TRHDE: variants seen among roughly 807,000 people sequenced by gnomAD.
TRHDE encodes the protein thyrotropin-releasing hormone-degrading ectoenzyme.
In TRHDE, 72 loss-of-function variants were observed where a neutral mutation model predicts 125.7. The observed-to-expected ratio is 0.57, with a 90% CI of 0.47 to 0.70. The LOEUF is 0.70. TRHDE is among the 30% of genes least tolerant of loss of function. The pLI, the probability that TRHDE is intolerant of heterozygous loss-of-function variation, is 0.00. For synonymous variants in TRHDE, 509 were observed against 509.1 expected (o/e 1.00, Z 0.00); for missense variants, 1,110 against 1,327.1 (o/e 0.84, Z 2.54).
intron 12 of TRHDE, chr12:72,582,541 T>G (rs911566522): frequency 1.0e-6 from 1 of 985,316 alleles, no homozygotes; most frequent in Non-Finnish European, 1.2e-6. Context: ...GTTGATCATT[T>G]TTTCACTTAT....
chr12:72,623,232 A>G (rs544943587), intron 15 of TRHDE, among the ~76,000 whole-genome samples: 22 of 152,134 alleles, frequency 1.4e-4, no homozygotes, highest in African/African-American at 4.6e-4. Flanking sequence ...GAGAAAGTAT[A>G]GTGTCTTCTC....
chr12:72,115,267 A>G (rs1048521729), intron 2 of TRHDE, among the ~76,000 whole-genome samples: 2 of 118,722 alleles, frequency 1.7e-5, no homozygotes, highest in Non-Finnish European at 3.2e-5. Flanking sequence ...CATGAGTTCA[A>G]TTGTTTTAAT....
intron 7 of TRHDE, among the ~76,000 whole-genome samples, chr12:72,543,812 T>TGGAAAGG (rs1869276258): frequency 6.8e-6 from 1 of 147,566 alleles, no homozygotes; most frequent in Non-Finnish European, 1.5e-5. Context: ...TTATTATTAT[T>TGGAAAGG]ATTATTATTA....
At chr12:72,572,106 A>G (rs1870771556) in intron 10 of TRHDE, among the ~76,000 whole-genome samples, 1 of 151,814 alleles carries the variant, frequency 6.6e-6, no homozygotes, top group Non-Finnish European at 1.5e-5. Context: ...TATAGGTTTT[A>G]CAAAATATCC....
chr12:72,330,000 G>A (rs1869513030), intron 2 of TRHDE, among the ~76,000 whole-genome samples: 1 of 152,160 alleles, frequency 6.6e-6, no homozygotes, highest in Non-Finnish European at 1.5e-5. Flanking sequence ...CAGTGCAGTG[G>A]AATGAAAATG....
At chr12:72,480,147 G>T (rs149673591) in intron 5 of TRHDE, among the ~76,000 whole-genome samples, 2 of 152,042 alleles carry the variant, frequency 1.3e-5, no homozygotes, top group African/African-American at 4.8e-5. Flanking sequence ...CTTCATAGTA[G>T]CATGATTTAT....
At chr12:72,165,144 G>A (rs7295725) in intron 2 of TRHDE, among the ~76,000 whole-genome samples, 5,367 of 152,220 alleles carry the variant, frequency 0.035, 169 homozygotes, top group African/African-American at 0.083. Flanking sequence ...CTGTCAGCAC[G>A]TGGATGAGCC....
chr12:72,442,263 C>T (rs544277050), intron 3 of TRHDE, among the ~76,000 whole-genome samples: 3 of 151,896 alleles, frequency 2.0e-5, no homozygotes, highest in South Asian at 4.2e-4. Context: ...AGAGCCTCAT[C>T]GATGTGTGAT....
chr12:72,364,829 A>G (rs372772847), intron 2 of TRHDE, among the ~76,000 whole-genome samples: 25 of 152,204 alleles, frequency 1.6e-4, no homozygotes, highest in African/African-American at 5.1e-4. Context: ...CAGCCCCTCT[A>G]TTTACAAATA....
intron 2 of TRHDE, among the ~76,000 whole-genome samples, chr12:72,316,528 G>C (rs1868811528): frequency 6.6e-6 from 1 of 152,054 alleles, no homozygotes; most frequent in Admixed American, 6.6e-5. Context: ...GGCACTCTCA[G>C]GTTCCTCTTA....
intron 2 of TRHDE, among the ~76,000 whole-genome samples, chr12:72,205,966 C>T (rs553017623): frequency 4.6e-5 from 7 of 152,200 alleles, no homozygotes; most frequent in East Asian, 3.9e-4. Flanking sequence ...TATAATCCCA[C>T]GAATACTGCA....
intron 2 of TRHDE, among the ~76,000 whole-genome samples, chr12:72,371,024 CG>C (rs1871559285): frequency 2.0e-5 from 3 of 152,234 alleles, no homozygotes; most frequent in African/African-American, 7.2e-5. Flanking sequence ...GGATTACAGG[CG>C]TGAGCCACTG....
At chr12:72,471,125 C>G (rs939822198) in intron 4 of TRHDE, among the ~76,000 whole-genome samples, 4 of 151,774 alleles carry the variant, frequency 2.6e-5, no homozygotes, top group Non-Finnish European at 4.4e-5. Context: ...TGATCCACCC[C>G]CCTCGACCTC....
chr12:72,293,973 C>G (rs1278129041), intron 2 of TRHDE, among the ~76,000 whole-genome samples: 1 of 152,106 alleles, frequency 6.6e-6, no homozygotes, highest in African/African-American at 2.4e-5. Context: ...GCAGGCAGCT[C>G]CAGATGCTGT....
At chr12:72,280,942 A>G (rs1326199194) in intron 1 of TRHDE, among the ~76,000 whole-genome samples, 1 of 152,180 alleles carries the variant, frequency 6.6e-6, no homozygotes, top group African/African-American at 2.4e-5. Flanking sequence ...AATTTTATTT[A>G]TTTTTATGAA....
chr12:72,294,960 G>A (rs560659219), intron 2 of TRHDE, among the ~76,000 whole-genome samples: 142 of 152,128 alleles, frequency 9.3e-4, no homozygotes, highest in African/African-American at 3.3e-3. Flanking sequence ...TCCGAGATAG[G>A]AGCAGGCAAG....
intron 2 of TRHDE, among the ~76,000 whole-genome samples, chr12:72,166,429 ACT>A (rs1876750160): frequency 6.6e-6 from 1 of 152,022 alleles, no homozygotes; most frequent in African/African-American, 2.4e-5. Flanking sequence ...CACATGCCAT[ACT>A]CTCTGTGGTA....
chr12:72,462,346 A>G (rs1876163058), intron 3 of TRHDE, among the ~76,000 whole-genome samples: 1 of 152,182 alleles, frequency 6.6e-6, no homozygotes, highest in Admixed American at 6.5e-5. Flanking sequence ...CATCTGAGTG[A>G]TACTTTGCAT....
intron 1 of TRHDE, among the ~76,000 whole-genome samples, chr12:72,095,028 A>G (rs1461630610): frequency 2.6e-5 from 4 of 152,226 alleles, no homozygotes; most frequent in Admixed American, 2.0e-4. Context: ...TTATCTTTAA[A>G]TATCTTTTCT....
Sources: gnomAD v4.1 joint callset for allele counts (sites outside exome capture counted in the v4.1 genomes callset) on GRCh38, gnomAD v4.1.1 for gene constraint, MANE v1.5 for transcripts, NCBI Gene and HGNC (gene_info 2026-07-23, HGNC 2026-07-21) for gene names.